CSMD1: variants seen among roughly 807,000 people sequenced by gnomAD.
CSMD1 encodes the protein CUB and Sushi multiple domains 1.
CSMD1 carries 213 observed loss-of-function variants against 417.5 expected under a neutral mutation model. The observed-to-expected ratio is 0.51, with a 90% CI of 0.46 to 0.57. CSMD1 has a LOEUF of 0.57. Among genes scored for constraint, CSMD1 ranks in the 20% least tolerant of loss-of-function variants. The pLI is 0.00. For missense variants in CSMD1, 6,923 were observed against 4,529.7 expected (o/e 1.53, Z -15.17); for synonymous variants, 2,862 against 1,736.8 (o/e 1.65, Z -16.11).
chr8:2,973,358 G>C, intron 56 of CSMD1, 59 bp from the exon 57 acceptor site: 1 of 1,509,582 alleles, frequency 6.6e-7, no homozygotes, highest in Non-Finnish European at 9.1e-7. Context: ...TTTAAGCAGA[G>C]TTGTCACACT....
chr8:3,209,424 C>G (rs558321578), intron 30 of CSMD1, among the ~76,000 whole-genome samples: 8 of 152,222 alleles, frequency 5.3e-5, no homozygotes, highest in Non-Finnish European at 1.0e-4. Context: ...TCATGCCATT[C>G]TCCTGCCTCA....
chr8:3,348,461 G>A (rs548879057), intron 21 of CSMD1, among the ~76,000 whole-genome samples: 1 of 152,182 alleles, frequency 6.6e-6, no homozygotes, highest in African/African-American at 2.4e-5. Flanking sequence ...CCAGCACCAT[G>A]GCTCACTGGC....
intron 5 of CSMD1, among the ~76,000 whole-genome samples, chr8:3,909,883 G>A (rs373191450): frequency 2.4e-4 from 37 of 152,232 alleles, no homozygotes; most frequent in East Asian, 9.7e-4. Context: ...GTACAAAATC[G>A]TTAAAAGACT....
rs531688185 is a variant in CSMD1, at chr8:4,583,491, G to C, written c.302+53851C>G. On this transcript the variant is annotated intron_variant, in intron 2 of 69. Transcript: ENST00000635120. Reference sequence around the variant, plus strand: ...GGGCCTTGGAGAACCTTTATGTCTAGCTCAGGGATTGTAAATACACCAATC... The same window carrying C: ...GGGCCTTGGAGAACCTTTATGTCTACCTCAGGGATTGTAAATACACCAATC... Among the ~76,000 whole-genome samples the C allele has an allele frequency of 9.3e-5, 14 of 150,856 alleles. No homozygotes were observed. The East Asian group carries it at 2.8e-3, about 30-fold the overall frequency.
chr8:4,840,704 CT>C (rs1159428789), intron 1 of CSMD1, among the ~76,000 whole-genome samples: 1 of 152,174 alleles, frequency 6.6e-6, no homozygotes, highest in Non-Finnish European at 1.5e-5. Flanking sequence ...CAAGAGACAA[CT>C]TTTTTATCTT....
At position 4,031,990 on chromosome 8, in the gene CSMD1, G is replaced by T. The variant is rs747605217; in HGVS notation, c.525C>A (p.Tyr175Ter). 2 of 1,613,938 alleles carry T rather than the reference G, an allele frequency of 1.2e-6. No individual in the cohort carries two copies. Among genetic ancestry groups the T allele is most frequent in the Non-Finnish European group, 1.7e-6 (2 of 1,179,854 alleles). Reference protein sequence around the residue: ...DKIRYSCLPGYILEGHAILTC... With the variant: ...DKIRYSCLPG ...TCAGGATGGCGTGGCCTTCCAAGAT[G>T]TAGCCAGGGAGGCAGCTGTACCGGA... The change falls in exon 4 of 70, where the codon TAC becomes TAA. Residue 175 changes from tyrosine (Y) to a stop codon, truncating the protein, a stop_gained. Transcript: ENST00000635120. LOFTEE classifies it high-confidence loss of function.
intron 3 of CSMD1, among the ~76,000 whole-genome samples, chr8:4,365,030 A>G (rs979471517): frequency 1.1e-4 from 16 of 152,164 alleles, no homozygotes; most frequent in African/African-American, 3.4e-4. Context: ...TTTATGAAAT[A>G]TGTTCTCTTT....
intron 25 of CSMD1, among the ~76,000 whole-genome samples, chr8:3,295,843 C>T (rs6995214): frequency 0.039 from 5,891 of 152,194 alleles, 382 homozygotes; most frequent in African/African-American, 0.13. Flanking sequence ...CATCATTTTG[C>T]ATCTATAAGA....
chr8:4,200,597 C>G (rs148762268), intron 3 of CSMD1, among the ~76,000 whole-genome samples: 2 of 152,156 alleles, frequency 1.3e-5, no homozygotes, highest in African/African-American at 4.8e-5. Flanking sequence ...AGGCTCATGC[C>G]TGAAATCCCA....
At chr8:3,971,283 C>T (rs906208735) in intron 5 of CSMD1, among the ~76,000 whole-genome samples, 4 of 152,154 alleles carry the variant, frequency 2.6e-5, no homozygotes, top group Admixed American at 2.6e-4. Flanking sequence ...TTTCTATTCT[C>T]CTCACCTCCT....
intron 3 of CSMD1, among the ~76,000 whole-genome samples, chr8:4,102,894 A>G (rs903585154): frequency 1.3e-5 from 2 of 152,220 alleles, no homozygotes; most frequent in Non-Finnish European, 2.9e-5. Flanking sequence ...TCTAAAGGTT[A>G]TAGCAAAGTG....
chr8:4,872,712 G>C (rs1322557304), intron 1 of CSMD1, among the ~76,000 whole-genome samples: 1 of 152,118 alleles, frequency 6.6e-6, no homozygotes, highest in Non-Finnish European at 1.5e-5. Flanking sequence ...GAGACAGAAA[G>C]AGACAGAGAA....
intron 1 of CSMD1, among the ~76,000 whole-genome samples, chr8:4,895,908 G>C (rs1028548175): frequency 6.6e-6 from 1 of 151,836 alleles, no homozygotes; most frequent in African/African-American, 2.4e-5. Flanking sequence ...GTTGAATTTT[G>C]GTTCAGAATT....
intron 2 of CSMD1, among the ~76,000 whole-genome samples, chr8:4,507,895 G>A (rs190245642): frequency 8.5e-5 from 13 of 152,116 alleles, no homozygotes; most frequent in African/African-American, 3.1e-4. Flanking sequence ...TGAAATGAAA[G>A]TGAAAGATAT....
At chr8:3,003,998 G>A (rs1223684552) in intron 52 of CSMD1, among the ~76,000 whole-genome samples, 3 of 152,134 alleles carry the variant, frequency 2.0e-5, no homozygotes, top group African/African-American at 4.8e-5. Flanking sequence ...GCCCCACTGC[G>A]TGACTCTGCC....
At chr8:3,194,180 C>G (rs775899634) in intron 33 of CSMD1, among the ~76,000 whole-genome samples, 1 of 152,092 alleles carries the variant, frequency 6.6e-6, no homozygotes, top group African/African-American at 2.4e-5. Context: ...TTTATAGGCT[C>G]TTGACACAAA....
At chr8:3,407,242 G>T (rs917025309) in intron 14 of CSMD1, among the ~76,000 whole-genome samples, 1 of 150,866 alleles carries the variant, frequency 6.6e-6, no homozygotes. Flanking sequence ...AACGATGGAA[G>T]GGAAGGATGA....
chr8:4,013,233 C>A (rs923961306), intron 4 of CSMD1, among the ~76,000 whole-genome samples: 16 of 152,122 alleles, frequency 1.1e-4, no homozygotes, highest in Admixed American at 2.0e-4. Context: ...TTTCCCCTCT[C>A]CTATCCTCTG....
At chr8:3,833,976 T>C (rs1802520694) in intron 5 of CSMD1, among the ~76,000 whole-genome samples, 1 of 152,180 alleles carries the variant, frequency 6.6e-6, no homozygotes. Context: ...ACCTTTCCTA[T>C]ACGGTTTGAA....
Sources: allele counts gnomAD v4.1 joint callset (sites outside exome capture counted in the v4.1 genomes callset), GRCh38; gene constraint gnomAD v4.1.1; transcripts MANE v1.5; gene names NCBI Gene and HGNC (gene_info 2026-07-23, HGNC 2026-07-21).